The following ERC1 variants were observed in gnomAD, a reference collection of about 807,000 sequenced individuals.
The protein encoded by ERC1 is RAB6 interacting protein 2.
ERC1 carries 56 observed loss-of-function variants against 132.0 expected under a neutral mutation model. That is an observed-to-expected ratio of 0.42 (90% CI 0.34 to 0.53). The LOEUF (loss-of-function observed/expected upper bound fraction) is 0.53, where lower values mean the gene tolerates loss of function less well. Among genes scored for constraint, ERC1 ranks in the 20% least tolerant of loss-of-function variants. The pLI is 0.03. For synonymous variants in ERC1, 478 were observed against 476.1 expected (o/e 1.00, Z -0.05); for missense variants, 1,202 against 1,349.9 (o/e 0.89, Z 1.72).
At chr12:1,049,747 C>CTT (rs35361881) in intron 2 of ERC1, among the ~76,000 whole-genome samples, 1,228 of 112,956 alleles carry the variant, frequency 0.011, 14 homozygotes, top group East Asian at 0.016. Flanking sequence ...GTTTTGTGAT[C>CTT]TTTTTTTTTT....
intron 7 of ERC1, among the ~76,000 whole-genome samples, chr12:1,127,001 AAAAAAAAAAAAAC>A (rs1466589090): frequency 8.1e-5 from 7 of 86,326 alleles, no homozygotes; most frequent in East Asian, 5.2e-4. Flanking sequence ...AAAAAAAAAA[AAAAAAAAAAAAAC>A]CTCAAAAATC....
chr12:1,096,347 G>A (rs1019189079), intron 3 of ERC1, among the ~76,000 whole-genome samples: 4 of 152,182 alleles, frequency 2.6e-5, no homozygotes, highest in African/African-American at 9.7e-5. Context: ...AAAAAATGCA[G>A]TTTTAATATT....
At chr12:1,144,776 CGTA>C (rs1197958230) in intron 8 of ERC1, among the ~76,000 whole-genome samples, 11 of 151,534 alleles carry the variant, frequency 7.3e-5, no homozygotes, top group African/African-American at 2.4e-4. Flanking sequence ...GTGTCTTTTT[CGTA>C]TAATGCCTTC....
chr12:1,265,065 C>CTA lies in ERC1; in HGVS notation c.2619+1901_2619+1902dup, dbSNP rs1594651152. Among the ~76,000 whole-genome samples, 4 of 152,294 alleles carry CTA rather than the reference C, an allele frequency of 2.6e-5. No homozygotes were observed. The East Asian group carries it at 7.7e-4, about 29-fold the overall frequency. On this transcript the variant is annotated intron_variant, in intron 14 of 18. Coordinates refer to ENST00000360905, the MANE Select transcript of ERC1 (RefSeq NM_178040.4). ...CCCTGTTCCTAGATAAATACCTTGTCTACTCTTTCTTCAAATACATTCCTA... is the reference window on the plus strand; with the variant it reads ...CCCTGTTCCTAGATAAATACCTTGTCTATACTCTTTCTTCAAATACATTCCTA...
intron 18 of ERC1, among the ~76,000 whole-genome samples, chr12:1,487,001 AC>A (rs1286031034): frequency 6.6e-6 from 1 of 151,956 alleles, no homozygotes; most frequent in East Asian, 1.9e-4. Context: ...CCACCCCATA[AC>A]CTTTTCTGTA....
At chr12:1,064,922 A>C (rs544073492) in intron 2 of ERC1, among the ~76,000 whole-genome samples, 1 of 152,030 alleles carries the variant, frequency 6.6e-6, no homozygotes, top group African/African-American at 2.4e-5. Flanking sequence ...GTAGTTGTTC[A>C]CTTAATGGTG....
At chr12:1,487,924 G>T (rs936087481) in intron 18 of ERC1, among the ~76,000 whole-genome samples, 1 of 151,264 alleles carries the variant, frequency 6.6e-6, no homozygotes, top group Admixed American at 6.6e-5. Context: ...GGATCACAAG[G>T]TCAGGAGATC....
intron 3 of ERC1, among the ~76,000 whole-genome samples, chr12:1,102,259 T>G (rs1276206688): frequency 2.0e-5 from 3 of 152,104 alleles, no homozygotes; most frequent in African/African-American, 7.2e-5. Flanking sequence ...GAGGTGAGGA[T>G]AGAAACTGGC....
chr12:1,454,455 T>C (rs1335338322), intron 18 of ERC1, among the ~76,000 whole-genome samples: 2 of 152,146 alleles, frequency 1.3e-5, no homozygotes, highest in South Asian at 2.1e-4. Context: ...CAACCTGTGA[T>C]TGGCATCTGA....
chr12:1,373,985 T>G (rs1187862920), intron 16 of ERC1, among the ~76,000 whole-genome samples: 4 of 152,222 alleles, frequency 2.6e-5, no homozygotes, highest in African/African-American at 7.2e-5. Context: ...GCCTCCCTTT[T>G]ACATTCCTGC....
intron 2 of ERC1, among the ~76,000 whole-genome samples, chr12:1,045,865 A>T (rs1285566535): frequency 6.6e-6 from 1 of 152,168 alleles, no homozygotes; most frequent in Admixed American, 6.5e-5. Flanking sequence ...GCTCCTGAGA[A>T]GGGGTTAACA....
intron 3 of ERC1, among the ~76,000 whole-genome samples, chr12:1,101,202 T>A (rs947380450): frequency 6.6e-6 from 1 of 152,200 alleles, no homozygotes; most frequent in Non-Finnish European, 1.5e-5. Context: ...TTCTCATTAT[T>A]ATATCTCCAA....
rs1064125 is a variant in ERC1, at chr12:1,491,812, A to T, written c.*1582A>T. 55,212 of 232,090 alleles carry T rather than the reference A, an allele frequency of 0.24. 10,147 individuals carry two copies. The highest frequency in any genetic ancestry group is 0.8 in the East Asian group (13,061 of 16,412). 14.4% of individuals were successfully genotyped at this position (232,090 alleles called of 1,614,324 possible). ...AATGAAGGTATTGGCATTGTTAAGG[A>T]CGTAGCGTAGACAACAGCAGTCATA... On this transcript the variant is annotated 3_prime_UTR_variant, in exon 19 of 19. Transcript: ENST00000360905.
At chr12:1,297,236 C>T (rs1430652029) in intron 15 of ERC1, among the ~76,000 whole-genome samples, 2 of 148,716 alleles carry the variant, frequency 1.3e-5, no homozygotes, top group Admixed American at 6.7e-5. Flanking sequence ...ATTCTGTAAG[C>T]AAAGAAAAAG....
chr12:1,029,086 G>A (rs1452121695), intron 2 of ERC1, among the ~76,000 whole-genome samples: 1 of 152,196 alleles, frequency 6.6e-6, no homozygotes, highest in African/African-American at 2.4e-5. Flanking sequence ...CGGGTGCAAT[G>A]GCTCACACCT....
chr12:1,359,706 A>G (rs556323654), intron 15 of ERC1, among the ~76,000 whole-genome samples: 1 of 152,316 alleles, frequency 6.6e-6, no homozygotes, highest in African/African-American at 2.4e-5. Flanking sequence ...AAATTTCAAC[A>G]TGAGTTTGGG....
intron 2 of ERC1, among the ~76,000 whole-genome samples, chr12:1,073,931 A>G (rs371147481): frequency 1.2e-4 from 15 of 122,756 alleles, no homozygotes; most frequent in African/African-American, 4.6e-4. Context: ...CAGTGGCATG[A>G]TCTCCACTCA....
Position 1,393,577 on chromosome 12 carries a change from CT to C in ERC1, c.2926-14560del, listed in dbSNP as rs202050373. On this transcript the variant is annotated intron_variant, in intron 16 of 18. Coordinates refer to ENST00000360905, the MANE Select transcript of ERC1 (RefSeq NM_178040.4). ...ACTTTTATTCTTGTGATCTAAAGTT[CT>C]TTTTTTTTTTTCCTTTAGAGAGAAC... Among the ~76,000 whole-genome samples, 346 of 130,214 alleles carry C rather than the reference CT, an allele frequency of 2.7e-3. 1 individual carries two copies. The highest frequency in any genetic ancestry group is 8.1e-3 in the Middle Eastern group (2 of 248). 85.4% of individuals were successfully genotyped at this position (130,214 alleles called of 152,430 possible). A position where few individuals can be genotyped will look rare whatever the true frequency, so the allele number is the denominator to read the frequency against.
Position 1,493,548 on chromosome 12 carries a change from A to AAAAAAAATATATATAT in ERC1, c.*3319_*3320insAAAAAATATATATATA, listed in dbSNP as rs56939346. 7.3e-5 allele frequency: 1 copy of AAAAAAAATATATATAT among 13,620 alleles called. No homozygotes were observed. The highest frequency in any genetic ancestry group is 1.5e-4 in the Non-Finnish European group (1 of 6,820). 0.8% of individuals were successfully genotyped at this position (13,620 alleles called of 1,614,324 possible). ...ACTCCATTTAAAAAAAAAAAAAAAA[A>AAAAAAAATATATATAT]ATATATATATATATATATATATATA... On this transcript the variant is annotated 3_prime_UTR_variant, in exon 19 of 19. Coordinates refer to ENST00000360905, the MANE Select transcript of ERC1 (RefSeq NM_178040.4).
Sources: gnomAD v4.1 joint callset for allele counts (sites outside exome capture counted in the v4.1 genomes callset) on GRCh38, gnomAD v4.1.1 for gene constraint, MANE v1.5 for transcripts, NCBI Gene and HGNC (gene_info 2026-07-23, HGNC 2026-07-21) for gene names.